The following BMX variants were observed in gnomAD, a reference collection of about 807,000 sequenced individuals.
BMX encodes BMX non-receptor tyrosine kinase, also known as cytoplasmic tyrosine-protein kinase BMX.
BMX carries 31 observed loss-of-function variants against 59.2 expected under a neutral mutation model. That is an observed-to-expected ratio of 0.52 (90% CI 0.39 to 0.71). BMX has a LOEUF of 0.71. BMX is among the 30% of genes least tolerant of loss of function. BMX has a pLI of 0.00. For missense variants in BMX, 474 were observed against 491.7 expected, an observed-to-expected ratio of 0.96 and a Z score of 0.34; for synonymous variants, 185 against 181.0, an observed-to-expected ratio of 1.02 and a Z score of -0.18.
intron 4 of BMX, among the ~76,000 whole-genome samples, chrX:15,513,630 C>T (rs915636037): frequency 2.7e-5 from 3 of 112,137 alleles, no homozygotes; most frequent in Non-Finnish European, 5.6e-5. Flanking sequence ...TGTTAACCTA[C>T]ACTTGGAAGG....
intron 14 of BMX, among the ~76,000 whole-genome samples, chrX:15,538,680 C>T (rs1174655792): frequency 1.8e-5 from 2 of 111,824 alleles, no homozygotes; most frequent in Non-Finnish European, 3.8e-5. Flanking sequence ...CCAGAGTCGG[C>T]AAGCTAGTAA....
At chrX:15,552,423 A>G (rs1229372294) in intron 18 of BMX, among the ~76,000 whole-genome samples, 1 of 112,048 alleles carries the variant, frequency 8.9e-6, no homozygotes, top group Non-Finnish European at 1.9e-5. Context: ...ACTTTTGAAT[A>G]ATGTTCTTTC....
intron 4 of BMX, among the ~76,000 whole-genome samples, chrX:15,515,620 G>A (rs930099972): frequency 1.8e-5 from 2 of 112,013 alleles, no homozygotes; most frequent in Non-Finnish European, 3.8e-5. Flanking sequence ...AAAGGCATAT[G>A]GATGCTCATT....
chrX:15,515,254 C>T (rs1279849565), intron 4 of BMX, among the ~76,000 whole-genome samples: 1 of 109,766 alleles, frequency 9.1e-6, no homozygotes, highest in Non-Finnish European at 1.9e-5. Flanking sequence ...ACCACCATGG[C>T]ACATGTATCC....
chrX:15,516,651 A>T (rs1924171242), intron 5 of BMX, among the ~76,000 whole-genome samples: 1 of 107,829 alleles, frequency 9.3e-6, no homozygotes, highest in African/African-American at 3.6e-5. Context: ...AACGAAAATC[A>T]CAAACTGAAA....
chrX:15,530,838 C>A (rs1250982753), intron 10 of BMX, among the ~76,000 whole-genome samples: 1 of 111,810 alleles, frequency 8.9e-6, no homozygotes, highest in Non-Finnish European at 1.9e-5. Flanking sequence ...ACACTTATTT[C>A]TTTGAGGGGT....
intron 9 of BMX, among the ~76,000 whole-genome samples, chrX:15,528,265 G>A (rs1924891662): frequency 8.9e-6 from 1 of 112,129 alleles, no homozygotes; most frequent in Admixed American, 9.4e-5. Flanking sequence ...AGTGTCATGG[G>A]AGTTTTTGTT....
intron 2 of BMX, 51 bp from the exon 3 acceptor site, chrX:15,509,278 T>C (rs1569218587): frequency 1.1e-6 from 1 of 896,288 alleles, no homozygotes; most frequent in Admixed American, 3.0e-5. Context: ...CCTTTCCTTG[T>C]GCACCATGAT....
chrX:15,511,444 A>G lies in BMX; in HGVS notation c.251A>G (p.Tyr84Cys), dbSNP rs1923954261. 1.7e-6 allele frequency: 2 copies of G among 1,202,446 alleles called. No homozygotes were observed. Among genetic ancestry groups the G allele is most frequent in the Non-Finnish European group, 2.2e-6 (2 of 889,488 alleles). Residue 84 changes from tyrosine to cysteine, a missense_variant, in exon 4 of 19, where the codon TAT (tyrosine) becomes TGT (cysteine). Tyr to Cys is a radical substitution (Grantham distance 194). Coordinates refer to ENST00000348343, the MANE Select transcript of BMX (RefSeq NM_203281.3). ...AAATATTTTCCTTTCCAGATTGTCT[A>G]TAAAGATGGGCTTCTCTATGTCTAT... ...VERQYPFQIV[Y>C]KDGLLYVYAS... is the part of the protein sequence containing the mutation.
intron 5 of BMX, among the ~76,000 whole-genome samples, chrX:15,517,454 G>A (rs1389708546): frequency 8.9e-6 from 1 of 111,980 alleles, no homozygotes; most frequent in Non-Finnish European, 1.9e-5. Flanking sequence ...AAAAAGGCCA[G>A]AGAGAGCACT....
At chrX:15,529,105 G>A (rs1924941040) in intron 9 of BMX, among the ~76,000 whole-genome samples, 1 of 111,758 alleles carries the variant, frequency 8.9e-6, no homozygotes, top group Non-Finnish European at 1.9e-5. Context: ...CAAGTGGCTT[G>A]TTCAAAGTCA....
chrX:15,546,885 T>C lies in BMX; in HGVS notation c.1759T>C (p.Phe587Leu). ...GTCAGCTCCAGAGGTGTTTCATTAC[T>C]TCAAATACAGCAGCAAGTCAGACGT... Reference protein sequence around the residue: ...KWSAPEVFHYFKYSSKSDVWA... With the variant: ...KWSAPEVFHYLKYSSKSDVWA... The change falls in exon 17 of 19, where the codon TTC becomes CTC. Residue 587 changes from phenylalanine (F) to leucine (L), a missense_variant. By Grantham distance (22) the Phe-to-Leu change is conservative. Transcript: ENST00000348343. The C allele has an allele frequency of 8.3e-7, 1 of 1,210,692 alleles. No individual in the cohort carries two copies. Among genetic ancestry groups the C allele is most frequent in the Non-Finnish European group, 1.1e-6 (1 of 894,642 alleles).
In BMX at chrX:15,529,973, C is replaced by A; in HGVS notation, c.885C>A (p.Asp295Glu). The change falls in exon 10 of 19, where the codon GAC (aspartate) becomes GAA (glutamate). Residue 295 changes from aspartate (D) to glutamate (E), a missense_variant and splice_region_variant. By Grantham distance (45) the Asp-to-Glu change is conservative (BLOSUM62 2). Coordinates refer to ENST00000348343, the MANE Select transcript of BMX (RefSeq NM_203281.3). ...ACATATAATTTTTTTCCTTTTGCAGCTGGTTTGCTGGTAACATCTCCAGAT... is the reference window on the plus strand; with the variant it reads ...ACATATAATTTTTTTCCTTTTGCAGATGGTTTGCTGGTAACATCTCCAGAT... ...SEEEENLDDY[D>E]WFAGNISRSQ... The A allele has an allele frequency of 8.3e-7, 1 of 1,207,183 alleles. No individual in the cohort carries two copies. The highest frequency in any genetic ancestry group is 1.1e-6 in the Non-Finnish European group (1 of 892,138).
intron 14 of BMX, among the ~76,000 whole-genome samples, chrX:15,538,442 G>A (rs1925485595): frequency 9.0e-6 from 1 of 111,614 alleles, no homozygotes; most frequent in African/African-American, 3.3e-5. Flanking sequence ...GTTATAGTAG[G>A]TCTCTGGTCA....
At chrX:15,508,316 T>C (rs954717615) in intron 1 of BMX, 29 bp from the exon 2 acceptor site, 1 of 1,031,473 alleles carries the variant, frequency 9.7e-7, no homozygotes. Flanking sequence ...ATGCTGCAAA[T>C]ACTCATTTTA....
intron 10 of BMX, 71 bp downstream of exon 10, chrX:15,530,098 T>C: frequency 1.0e-6 from 1 of 1,002,660 alleles, no homozygotes; most frequent in Non-Finnish European, 1.4e-6. Flanking sequence ...GTTGATGCAT[T>C]TCTCATAGAA....
At chrX:15,525,244 G>T in intron 7 of BMX, 44 bp from the exon 8 acceptor site, 1 of 1,100,930 alleles carries the variant, frequency 9.1e-7, no homozygotes, top group South Asian at 2.1e-5. Context: ...AAATTTATAA[G>T]TAGACATATG....
At chrX:15,524,036 G>A (rs1422573765) in intron 7 of BMX, among the ~76,000 whole-genome samples, 2 of 112,003 alleles carry the variant, frequency 1.8e-5, no homozygotes, top group African/African-American at 6.5e-5. Context: ...TCTCATATAT[G>A]GGATAATACT....
chrX:15,540,635 T>C lies in BMX; in HGVS notation c.1395-1347T>C, dbSNP rs777389518. Reference sequence around the variant, plus strand: ...GCAACAAAACAAAATAAAAACCCTATGCAAACTAAAAGACAAATGATAAAC... The same window carrying C: ...GCAACAAAACAAAATAAAAACCCTACGCAAACTAAAAGACAAATGATAAAC... On this transcript the variant is annotated intron_variant, in intron 14 of 18. Coordinates refer to ENST00000348343, the MANE Select transcript of BMX (RefSeq NM_203281.3). Among the ~76,000 whole-genome samples, 10 of 110,971 alleles carry C rather than the reference T, an allele frequency of 9.0e-5. No homozygotes were observed. In the South Asian group the frequency reaches 3.4e-3, roughly 38 times the overall value.
Sources: gnomAD v4.1 joint callset for allele counts (sites outside exome capture counted in the v4.1 genomes callset) on GRCh38, gnomAD v4.1.1 for gene constraint, MANE v1.5 for transcripts, NCBI Gene and HGNC (gene_info 2026-07-23, HGNC 2026-07-21) for gene names.